RABGAP1L: variants seen among roughly 807,000 people sequenced by gnomAD.
RABGAP1L encodes rab GTPase-activating protein 1-like.
A neutral mutation model predicts 137.7 loss-of-function variants in RABGAP1L; 63 were observed. The ratio of observed to expected loss-of-function variants is 0.46; its 90% CI spans 0.37 to 0.56. The LOEUF (loss-of-function observed/expected upper bound fraction) is 0.56, where lower values mean the gene tolerates loss of function less well. RABGAP1L is among the 20% of genes least tolerant of loss of function. RABGAP1L has a pLI of 0.00. For missense variants in RABGAP1L, 1,095 were observed against 1,244.0 expected, an observed-to-expected ratio of 0.88 and a Z score of 1.80; for synonymous variants, 431 against 433.7, an observed-to-expected ratio of 0.99 and a Z score of 0.08.
rs1229202035 is a variant in RABGAP1L, at chr1:174,345,411, A to C, written c.1466-25568A>C. Among the ~76,000 whole-genome samples the C allele has an allele frequency of 2.6e-5, 4 of 152,174 alleles. No homozygotes were observed. In the South Asian group the frequency reaches 8.3e-4, roughly 32 times the overall value. On this transcript the variant is annotated intron_variant, in intron 11 of 25. Transcript: ENST00000681986. ...ACATTTTAACAATATTGATTCTTCCAGTGCGTGAACGTGGAATATCTTTTT... is the reference window on the plus strand; with the variant it reads ...ACATTTTAACAATATTGATTCTTCCCGTGCGTGAACGTGGAATATCTTTTT...
chr1:174,478,947 C>T (rs1658794761), intron 13 of RABGAP1L, among the ~76,000 whole-genome samples: 1 of 152,146 alleles, frequency 6.6e-6, no homozygotes, highest in African/African-American at 2.4e-5. Flanking sequence ...TCAACAGGGC[C>T]TTGGCTTCGA....
At chr1:174,924,475 G>A (rs1206999369) in intron 19 of RABGAP1L, among the ~76,000 whole-genome samples, 2 of 151,542 alleles carry the variant, frequency 1.3e-5, no homozygotes, top group African/African-American at 4.9e-5. Context: ...AGAATCAGAA[G>A]GGAGGACTTC....
chr1:174,735,768 G>A (rs1442649335), intron 17 of RABGAP1L, among the ~76,000 whole-genome samples: 1 of 152,082 alleles, frequency 6.6e-6, no homozygotes, highest in Non-Finnish European at 1.5e-5. Flanking sequence ...CAATCATAGT[G>A]GAAGGTGAAG....
At chr1:174,432,105 T>G (rs898121029) in intron 13 of RABGAP1L, among the ~76,000 whole-genome samples, 1 of 152,182 alleles carries the variant, frequency 6.6e-6, no homozygotes, top group African/African-American at 2.4e-5. Flanking sequence ...AGCCTTACTT[T>G]CCTCTCTCCT....
chr1:174,612,554 G>A (rs1012768292), intron 13 of RABGAP1L, among the ~76,000 whole-genome samples: 11 of 152,240 alleles, frequency 7.2e-5, no homozygotes, highest in Admixed American at 1.3e-4. Context: ...TTGGTATCAG[G>A]ATGATGCTGG....
chr1:174,203,669 T>C (rs373057443), intron 1 of RABGAP1L, among the ~76,000 whole-genome samples: 2 of 152,356 alleles, frequency 1.3e-5, no homozygotes, highest in East Asian at 1.9e-4. Context: ...GGAATAGCAT[T>C]GAATCTGTAA....
At position 174,563,584 on chromosome 1, in the gene RABGAP1L, CTAAT is replaced by C. The variant is rs551608655; in HGVS notation, c.1711-73788_1711-73785del. 1.3e-3 allele frequency among the ~76,000 whole-genome samples: 204 copies of C among 152,232 alleles called. 2 individuals are homozygous for C. The highest frequency in any genetic ancestry group is 2.3e-3 in the Non-Finnish European group (156 of 68,014). The stretch of plus-strand genomic sequence containing the variant: ...GAAAATGTTTTCCATGTAATAAACA[CTAAT>C]TATTACTGTGATAACCGAAGGGTTC... On this transcript the variant is annotated intron_variant, in intron 13 of 25. Transcript: ENST00000681986.
At chr1:174,935,683 G>A (rs1664655764) in intron 19 of RABGAP1L, among the ~76,000 whole-genome samples, 2 of 151,926 alleles carry the variant, frequency 1.3e-5, no homozygotes, top group Admixed American at 6.6e-5. Flanking sequence ...AGTGAGGGTT[G>A]GTAAAGAATA....
In RABGAP1L at chr1:174,699,453, A is replaced by G. The variant is rs75741395; in HGVS notation, c.1900-72A>G. 283 of 1,448,138 alleles carry G rather than the reference A, an allele frequency of 2.0e-4. No individual in the cohort carries two copies. In the African/African-American group the frequency reaches 3.5e-3, roughly 18 times the overall value. The allele number at this position is 1,448,138 out of a possible 1,614,324, so 89.7% of individuals were successfully genotyped here. A position where few individuals can be genotyped will look rare whatever the true frequency, so the allele number is the denominator to read the frequency against. Reference sequence around the variant, plus strand: ...GCTACTTATGCAGAGGACTAATAACATGAAGGAACTTTTTTGACATTCTGG... The same window carrying G: ...GCTACTTATGCAGAGGACTAATAACGTGAAGGAACTTTTTTGACATTCTGG... On this transcript the variant is annotated intron_variant, in intron 15 of 25. Transcript: ENST00000681986.
intron 17 of RABGAP1L, among the ~76,000 whole-genome samples, chr1:174,733,645 A>G (rs1329438760): frequency 2.0e-5 from 3 of 152,212 alleles, no homozygotes; most frequent in Non-Finnish European, 4.4e-5. Context: ...TAGCATTACT[A>G]TGTGCCAAGC....
rs564496632 is a variant in RABGAP1L, at chr1:174,304,632, A to G, written c.1324-354A>G. Among the ~76,000 whole-genome samples the G allele has an allele frequency of 8.5e-5, 13 of 152,230 alleles. 1 individual carries two copies. The highest frequency in any genetic ancestry group is 3.1e-4 in the African/African-American group (13 of 41,568). On this transcript the variant is annotated intron_variant, in intron 10 of 25. Coordinates refer to ENST00000681986, the MANE Select transcript of RABGAP1L (RefSeq NM_001366446.1). The stretch of plus-strand genomic sequence containing the variant: ...TACAGTTGTAAAAATTCTTTGAGCT[A>G]TATACTTTAGGTTCGTGTAAGGTAG...
chr1:174,727,320 A>G (rs985551313), intron 17 of RABGAP1L, among the ~76,000 whole-genome samples: 1 of 152,226 alleles, frequency 6.6e-6, no homozygotes, highest in Non-Finnish European at 1.5e-5. Flanking sequence ...AAGGAACTTC[A>G]GTAAGTGGGC....
At chr1:174,978,250 C>T (rs1670816280) in intron 22 of RABGAP1L, among the ~76,000 whole-genome samples, 1 of 152,164 alleles carries the variant, frequency 6.6e-6, no homozygotes, top group Non-Finnish European at 1.5e-5. Flanking sequence ...CATTATGTGT[C>T]ACTTTAGCTC....
intron 18 of RABGAP1L, among the ~76,000 whole-genome samples, chr1:174,796,998 C>G (rs1688290454): frequency 1.3e-5 from 1 of 75,886 alleles, no homozygotes; most frequent in Non-Finnish European, 2.5e-5. Context: ...CAGAGCGAGA[C>G]TCTGTCTCAA....
At chr1:174,403,241 G>A (rs868484273) in intron 13 of RABGAP1L, among the ~76,000 whole-genome samples, 1 of 126,124 alleles carries the variant, frequency 7.9e-6, no homozygotes, top group Non-Finnish European at 1.6e-5. Flanking sequence ...GTGTGTGTGT[G>A]TGTGTGTATA....
At chr1:174,794,298 C>G (rs1039541270) in intron 18 of RABGAP1L, among the ~76,000 whole-genome samples, 1 of 152,224 alleles carries the variant, frequency 6.6e-6, no homozygotes, top group Non-Finnish European at 1.5e-5. Flanking sequence ...CAGTGTTTGA[C>G]TAACTCTCTT....
In RABGAP1L at chr1:174,738,615, C is replaced by T. The variant is rs563598947; in HGVS notation, c.2170-13698C>T. On this transcript the variant is annotated intron_variant, in intron 17 of 25. Coordinates refer to ENST00000681986, the MANE Select transcript of RABGAP1L (RefSeq NM_001366446.1). ...CTTTTGTTATTCTTAACTGGTACTC[C>T]TCAATTTACTGTTTAGGAATCTTAC... 2.0e-5 allele frequency among the ~76,000 whole-genome samples: 3 copies of T among 152,238 alleles called. No individual in the cohort carries two copies. In the South Asian group the frequency reaches 6.2e-4, roughly 32 times the overall value.
At chr1:174,429,341 A>T (rs2149190586) in intron 13 of RABGAP1L, among the ~76,000 whole-genome samples, 1 of 152,298 alleles carries the variant, frequency 6.6e-6, no homozygotes, top group African/African-American at 2.4e-5. Flanking sequence ...AATATATATA[A>T]CAGGCTTTCC....
intron 11 of RABGAP1L, among the ~76,000 whole-genome samples, chr1:174,343,964 G>C (rs1682210815): frequency 6.6e-6 from 1 of 152,162 alleles, no homozygotes; most frequent in African/African-American, 2.4e-5. Context: ...TGCCAGCACT[G>C]TAGCTGTGTA....
Sources: allele counts gnomAD v4.1 joint callset (sites outside exome capture counted in the v4.1 genomes callset), GRCh38; gene constraint gnomAD v4.1.1; transcripts MANE v1.5; gene names NCBI Gene and HGNC (gene_info 2026-07-23, HGNC 2026-07-21).